The following PANK3 variants were observed in gnomAD, a reference collection of about 807,000 sequenced individuals.
PANK3 encodes hPanK3.
A neutral mutation model predicts 39.4 loss-of-function variants in PANK3; 20 were observed. The ratio of observed to expected loss-of-function variants is 0.51; its 90% CI spans 0.36 to 0.74. The LOEUF (loss-of-function observed/expected upper bound fraction) is 0.74. PANK3 is among the 30% of genes least tolerant of loss of function. The pLI is 0.00. For synonymous variants in PANK3, 140 were observed against 157.3 expected (o/e 0.89, Z 0.82); for missense variants, 265 against 437.0 (o/e 0.61, Z 3.51).
rs749761171 is a variant in PANK3, at chr5:168,568,666, ACTT to A, written c.358_360del (p.Lys120del). 1.2e-6 allele frequency: 2 copies of A among 1,604,342 alleles called. No individual in the cohort carries two copies. The highest frequency in any genetic ancestry group is 2.2e-5 in the South Asian group (2 of 89,414). On this transcript the variant is annotated inframe_deletion, in exon 2 of 7. Transcript: ENST00000239231. ...CCTACTGTGCGAAAATCTTTTTCAAACTTGTAAGCACCACCTCCTGTAGCACAT... is the reference window on the plus strand; with the variant it reads ...CCTACTGTGCGAAAATCTTTTTCAAAGTAAGCACCACCTCCTGTAGCACAT...
At chr5:168,561,850 A>G (rs1268761529) in intron 4 of PANK3, among the ~76,000 whole-genome samples, 1 of 152,202 alleles carries the variant, frequency 6.6e-6, no homozygotes, top group Non-Finnish European at 1.5e-5. Context: ...TTTAACTTCA[A>G]ATTCTTTTTC....
intron 3 of PANK3, 145 bp downstream of exon 3, chr5:168,565,868 A>AAAAAAAATATATATATATATATATAT: frequency 7.6e-6 from 1 of 131,384 alleles, no homozygotes; most frequent in East Asian, 3.8e-4. Context: ...AAAAAAAAAA[A>AAAAAAAATATATATATATATATATAT]ATATATATAT....
At chr5:168,570,384 CAAA>C (rs35264834) in intron 1 of PANK3, among the ~76,000 whole-genome samples, 2 of 84,290 alleles carry the variant, frequency 2.4e-5, no homozygotes, top group African/African-American at 4.8e-5. Context: ...GACTCCGTCT[CAAA>C]AAAAAAAAAA....
intron 2 of PANK3, among the ~76,000 whole-genome samples, chr5:168,568,078 T>C (rs111620932): frequency 2.0e-4 from 30 of 152,272 alleles, no homozygotes; most frequent in African/African-American, 6.7e-4. Flanking sequence ...TAACAGCACA[T>C]AACTCAAACC....
At position 168,557,622 on chromosome 5, in the gene PANK3, CTGTG is replaced by C. The variant is rs1561838863; in HGVS notation, c.1063-5_1063-2del. On this transcript the variant is annotated splice_acceptor_variant and splice_polypyrimidine_tract_variant and intron_variant, in intron 6 of 6. Transcript: ENST00000239231. LOFTEE classifies it high-confidence loss of function. ...GTGCACCAACTGCTCCAAAGTAACC[CTGTG>C]TAATTTAAAAATAACTGTTATGTAG... 1 of 1,613,304 alleles carries C rather than the reference CTGTG, an allele frequency of 6.2e-7. No homozygotes were observed. The highest frequency in any genetic ancestry group is 8.5e-7 in the Non-Finnish European group (1 of 1,179,584).
intron 2 of PANK3, among the ~76,000 whole-genome samples, chr5:168,567,544 A>G (rs774435935): frequency 1.6e-4 from 25 of 152,184 alleles, no homozygotes; most frequent in Non-Finnish European, 2.6e-4. Context: ...CTGTGTTCCC[A>G]AGGCACCTCT....
At position 168,557,503 on chromosome 5, in the gene PANK3, A is replaced by G. The variant is rs545552719; in HGVS notation, c.*68T>C. The G allele has an allele frequency of 3.4e-5, 46 of 1,369,788 alleles. 1 individual carries two copies. The South Asian group carries it at 5.3e-4, about 16-fold the overall frequency. 84.9% of individuals were successfully genotyped at this position (1,369,788 alleles called of 1,614,324 possible). ...TTTGGTTCCCAGTGACAAACAATGC[A>G]GTAATAATGCCTCTGGTTTTAGTTC... On this transcript the variant is annotated 3_prime_UTR_variant, in exon 7 of 7. Coordinates refer to ENST00000239231, the MANE Select transcript of PANK3 (RefSeq NM_024594.4).
At position 168,564,102 on chromosome 5, in the gene PANK3, T is replaced by C. The variant is rs1759486711; in HGVS notation, c.636-37A>G. ...AAAGAAACTTGCTAAGTTGCATTTA[T>C]ACATTATATTCTTTCTCTAAAGTAA... On this transcript the variant is annotated intron_variant, in intron 3 of 6. Transcript: ENST00000239231. The C allele has an allele frequency of 3.9e-6, 6 of 1,524,308 alleles. No homozygotes were observed. In the African/African-American group the frequency reaches 7.0e-5, roughly 18 times the overall value. The allele number at this position is 1,524,308 out of a possible 1,614,324, so 94.4% of individuals were successfully genotyped here.
intron 5 of PANK3, 30 bp downstream of exon 5, chr5:168,561,363 A>T (rs375001727): frequency 6.4e-7 from 1 of 1,550,620 alleles, no homozygotes; most frequent in Non-Finnish European, 8.7e-7. Context: ...ATTTTTGATA[A>T]TTCAAGTTTT....
At chr5:168,558,854 G>A (rs1014069972) in intron 6 of PANK3, among the ~76,000 whole-genome samples, 178 bp downstream of exon 6, 4 of 152,150 alleles carry the variant, frequency 2.6e-5, no homozygotes, top group East Asian at 1.9e-4. Flanking sequence ...GCACAGTGGT[G>A]CATACCTGTG....
In PANK3 at chr5:168,554,853, GA is replaced by G. The variant is rs1486954032; in HGVS notation, c.*2717del. On this transcript the variant is annotated 3_prime_UTR_variant, in exon 7 of 7. Coordinates refer to ENST00000239231, the MANE Select transcript of PANK3 (RefSeq NM_024594.4). ...TCTATAGATTTAGGGCAATCTTTAA[GA>G]AAAAATGGAATGGTCAGAGTCTAAG... The G allele has an allele frequency of 6.6e-6, 1 of 152,160 alleles. No individual in the cohort carries two copies. The allele number at this position is 152,160 out of a possible 1,614,324, so 9.4% of individuals were successfully genotyped here.
chr5:168,572,171 T>C (rs1191223345), intron 1 of PANK3, among the ~76,000 whole-genome samples: 3 of 143,570 alleles, frequency 2.1e-5, no homozygotes, highest in African/African-American at 7.7e-5. Context: ...TGGAGTGCAG[T>C]GGCATGATCT....
At position 168,554,282 on chromosome 5, in the gene PANK3, C is replaced by T. The variant is rs1759317064; in HGVS notation, c.*3289G>A. ...TGACTTCTATACATTACCAGTAAAT[C>T]TAGATGTACTTTAAAGAGCTTAAAA... On this transcript the variant is annotated 3_prime_UTR_variant, in exon 7 of 7. Coordinates refer to ENST00000239231, the MANE Select transcript of PANK3 (RefSeq NM_024594.4). 6.6e-6 allele frequency: 1 copy of T among 152,150 alleles called. No individual in the cohort carries two copies. Among genetic ancestry groups the T allele is most frequent in the African/African-American group, 2.4e-5 (1 of 41,434 alleles). The allele number at this position is 152,150 out of a possible 1,614,324, so 9.4% of individuals were successfully genotyped here. A position where few individuals can be genotyped will look rare whatever the true frequency, so the allele number is the denominator to read the frequency against.
rs776225328 is a variant in PANK3 at position 168,561,383 on chromosome 5, G to GT, written c.936+9dup. 39 of 1,561,764 alleles carry GT rather than the reference G, an allele frequency of 2.5e-5. No individual in the cohort carries two copies. The highest frequency in any genetic ancestry group is 9.9e-5 in the Admixed American group (5 of 50,552). Reference sequence around the variant, plus strand: ...TGATAATTCAAGTTTTGTGTTTTTTGTTTTTTTACCTCATTAACAGCACAC... The same window carrying GT: ...TGATAATTCAAGTTTTGTGTTTTTTGTTTTTTTTACCTCATTAACAGCACAC... On this transcript the variant is annotated intron_variant, in intron 5 of 6. Coordinates refer to ENST00000239231, the MANE Select transcript of PANK3 (RefSeq NM_024594.4).
rs1157942930 is a variant in PANK3, at chr5:168,556,301, G to C, written c.*1270C>G. 6.6e-6 allele frequency: 1 copy of C among 152,192 alleles called. No individual in the cohort carries two copies. The highest frequency in any genetic ancestry group is 1.5e-5 in the Non-Finnish European group (1 of 68,044). The allele number at this position is 152,192 out of a possible 1,614,324, so 9.4% of individuals were successfully genotyped here. On this transcript the variant is annotated 3_prime_UTR_variant, in exon 7 of 7. Coordinates refer to ENST00000239231, the MANE Select transcript of PANK3 (RefSeq NM_024594.4). ...CAACTCTAGAGTTTTCAGAGAGTTA[G>C]AGGAGGTGGAGAGATTTACTCCTGC...
At chr5:168,571,451 G>C (rs1009612143) in intron 1 of PANK3, among the ~76,000 whole-genome samples, 32 of 152,264 alleles carry the variant, frequency 2.1e-4, no homozygotes, top group African/African-American at 7.5e-4. Flanking sequence ...AAACTTGCCT[G>C]AGGTCAAACT....
rs562938004 is a variant in PANK3, at chr5:168,548,771, T to C, written c.*8800A>G. ...AAGATACTGTACATAAATGAAAAAATAAATTAGGTAATTTACAAGAAATGT... is the reference window on the plus strand; with the variant it reads ...AAGATACTGTACATAAATGAAAAAACAAATTAGGTAATTTACAAGAAATGT... On this transcript the variant is annotated 3_prime_UTR_variant, in exon 7 of 7. Transcript: ENST00000239231. 1 of 152,272 alleles carries C rather than the reference T, an allele frequency of 6.6e-6. No homozygotes were observed. Among genetic ancestry groups the C allele is most frequent in the East Asian group, 1.9e-4 (1 of 5,190 alleles). The allele number at this position is 152,272 out of a possible 1,614,324, so 9.4% of individuals were successfully genotyped here.
Position 168,569,017 on chromosome 5 carries a change from A to G in PANK3, c.29-19T>C, listed in dbSNP as rs1274071586. The G allele has an allele frequency of 5.2e-6, 2 of 383,910 alleles. No homozygotes were observed. The highest frequency in any genetic ancestry group is 7.4e-6 in the Non-Finnish European group (2 of 270,330). 23.8% of individuals were successfully genotyped at this position (383,910 alleles called of 1,614,324 possible). ...GGGAAAGCTATGGGAGGAAAAAAAA[A>G]AAAAAAAAAAAAAATATATATATAT... is the stretch of plus-strand genomic sequence containing the variant. On this transcript the variant is annotated intron_variant, in intron 1 of 6. Transcript: ENST00000239231.
At chr5:168,569,183 T>TC (rs1303065230) in intron 1 of PANK3, among the ~76,000 whole-genome samples, 185 bp from the exon 2 acceptor site, 30 of 131,808 alleles carry the variant, frequency 2.3e-4, no homozygotes, top group Admixed American at 2.2e-3. Flanking sequence ...CTTCAAAGTT[T>TC]TTTTTTTTTT....
Sources: gnomAD v4.1 joint callset for allele counts (sites outside exome capture counted in the v4.1 genomes callset) on GRCh38, gnomAD v4.1.1 for gene constraint, MANE v1.5 for transcripts, NCBI Gene and HGNC (gene_info 2026-07-23, HGNC 2026-07-21) for gene names.